The following POGZ variants were observed in gnomAD, a reference collection of about 807,000 sequenced individuals.
The protein encoded by POGZ is pogo transposable element derived with ZNF domain.
Under a neutral mutation model 134.6 loss-of-function variants are expected in POGZ, and 17 were observed. The observed-to-expected ratio is 0.13, with a 90% CI of 0.09 to 0.19. The LOEUF is 0.19. Among genes scored for constraint, POGZ ranks in the 10% least tolerant of loss-of-function variants. POGZ has a pLI of 1.00. For missense variants in POGZ, 1,306 were observed against 1,769.7 expected (o/e 0.74, Z 4.70); for synonymous variants, 693 against 657.1 (o/e 1.05, Z -0.84).
At chr1:151,419,696 C>CAAAA (rs1656554435) in intron 10 of POGZ, among the ~76,000 whole-genome samples, 1 of 39,258 alleles carries the variant, frequency 2.5e-5, no homozygotes, top group African/African-American at 6.3e-5. Context: ...AAAAAAAAAA[C>CAAAA]TACTTTCATG....
At chr1:151,421,569 TG>T (rs1206531222) in intron 10 of POGZ, among the ~76,000 whole-genome samples, 4 of 152,298 alleles carry the variant, frequency 2.6e-5, no homozygotes, top group Admixed American at 6.5e-5. Context: ...GAAAGAAAGA[TG>T]GGAAGATAAG....
At chr1:151,438,869 C>T (rs559880813) in intron 3 of POGZ, 113 of 151,990 alleles carry the variant, frequency 7.4e-4, no homozygotes, top group African/African-American at 2.6e-3. Flanking sequence ...AAAGTGAGAT[C>T]CCGTCTCAGG....
At chr1:151,453,437 T>C (rs560513815) in intron 1 of POGZ, among the ~76,000 whole-genome samples, 1 of 151,036 alleles carries the variant, frequency 6.6e-6, no homozygotes, top group African/African-American at 2.4e-5. Flanking sequence ...TATACATTTC[T>C]CTTTTTTTAT....
chr1:151,451,176 A>C (rs1027327168), intron 1 of POGZ: 1 of 150,538 alleles, frequency 6.6e-6, no homozygotes, highest in African/African-American at 2.4e-5. Flanking sequence ...TAACCAATAA[A>C]CTACTGACTA....
chr1:151,440,598 T>G (rs1285896887), intron 3 of POGZ, among the ~76,000 whole-genome samples: 2 of 152,140 alleles, frequency 1.3e-5, no homozygotes, highest in African/African-American at 2.4e-5. Context: ...TAATGGAATT[T>G]TTCTCATTAA....
At position 151,428,182 on chromosome 1, in the gene POGZ, A is replaced by T. The variant is rs1416173910; in HGVS notation, c.800T>A (p.Leu267Gln). The T allele has an allele frequency of 6.2e-7, 1 of 1,614,140 alleles. No homozygotes were observed. The highest frequency in any genetic ancestry group is 1.1e-5 in the South Asian group (1 of 91,084). The stretch of plus-strand genomic sequence containing the variant: ...TGGAGACTGAACAGCTAGTTGCCCC[A>T]GTGAGGTTGGCTGTGTGGCAGTGGG... ...TTPTATQPTS[L>Q]GQLAVQSPGQ... Residue 267 changes from leucine (L) to glutamine (Q), a missense_variant, in exon 6 of 19, where the codon CTG (leucine) becomes CAG (glutamine). Leu to Gln is a moderately radical substitution (Grantham distance 113). This residue lies in a region of POGZ where 541 missense variants were observed against 680.5 expected (regional missense o/e 0.80). Transcript: ENST00000271715.
intron 1 of POGZ, among the ~76,000 whole-genome samples, chr1:151,457,590 G>A (rs1400407433): frequency 6.6e-6 from 1 of 152,128 alleles, no homozygotes; most frequent in Non-Finnish European, 1.5e-5. Context: ...AGCCCTCCCT[G>A]CCCCCTCCGT....
chr1:151,415,365 TATA>T (rs1323278331), intron 10 of POGZ, among the ~76,000 whole-genome samples: 3 of 152,100 alleles, frequency 2.0e-5, no homozygotes, highest in Non-Finnish European at 4.4e-5. Flanking sequence ...AGAAAAATGT[TATA>T]ATATTTGAAG....
At position 151,403,919 on chromosome 1, in the gene POGZ, T is replaced by A. The variant is rs1653132968; in HGVS notation, c.*883A>T. On this transcript the variant is annotated 3_prime_UTR_variant, in exon 19 of 19. Coordinates refer to ENST00000271715, the MANE Select transcript of POGZ (RefSeq NM_015100.4). ...GGAATGGCTTCCACCCTAAAACTGT[T>A]TGATCGCTTCAGTATCTCTTGCTTG... 1 of 985,338 alleles carries A rather than the reference T, an allele frequency of 1.0e-6. No individual in the cohort carries two copies. The highest frequency in any genetic ancestry group is 1.2e-6 in the Non-Finnish European group (1 of 829,936). The allele number at this position is 985,338 out of a possible 1,614,324, so 61.0% of individuals were successfully genotyped here.
intron 3 of POGZ, among the ~76,000 whole-genome samples, chr1:151,433,950 A>C (rs868415220): frequency 6.6e-6 from 1 of 152,298 alleles, no homozygotes; most frequent in African/African-American, 2.4e-5. Flanking sequence ...AGGCTGAAGC[A>C]GGTGGATCAC....
At chr1:151,407,073 G>A in intron 16 of POGZ, 50 bp from the exon 17 acceptor site, 2 of 1,446,492 alleles carry the variant, frequency 1.4e-6, no homozygotes. Flanking sequence ...AGTGACACTT[G>A]AGACCATTAA....
In POGZ at chr1:151,405,765, G is replaced by A. The variant is rs1380747647; in HGVS notation, c.3270C>T (p.Ala1090=). 2 of 1,614,070 alleles carry A rather than the reference G, an allele frequency of 1.2e-6. No individual in the cohort carries two copies. Among genetic ancestry groups the A allele is most frequent in the African/African-American group, 2.7e-5 (2 of 74,924 alleles). ...HLTPHARRAV[A]HTLPKDVAEN... is the part of the protein sequence containing the mutation. ...CTGCTACATCCTTAGGTAGGGTGTG[G>A]GCCACAGCTCGCCGGGCATGGGGAG... is the stretch of plus-strand genomic sequence containing the variant. Residue 1090 remains alanine (A), a synonymous_variant, in exon 19 of 19, where the codon GCC becomes GCT. Transcript: ENST00000271715. This position sits in a 1 kb window ranked among gnomAD's most constrained non-coding sequence, Gnocchi z 4.9.
chr1:151,410,396 C>T (rs74469136), intron 12 of POGZ, among the ~76,000 whole-genome samples: 4,148 of 152,236 alleles, frequency 0.027, 111 homozygotes, highest in Non-Finnish European at 0.043. Context: ...AAATTAAAGG[C>T]CTGTTTCTAA....
In POGZ at chr1:151,406,765, C is replaced by A. The variant is rs997037132; in HGVS notation, c.2546-134G>T. On this transcript the variant is annotated intron_variant, in intron 17 of 18. Transcript: ENST00000271715. ...ACCAGCTTTCCCAGTTTTATATAAA[C>A]TTCAGGTCGGAAGGTTTCTAATTAG... 1.2e-5 allele frequency: 12 copies of A among 1,023,432 alleles called. No homozygotes were observed. The African/African-American group carries it at 1.8e-4, about 15-fold the overall frequency. 63.4% of individuals were successfully genotyped at this position (1,023,432 alleles called of 1,614,324 possible).
intron 10 of POGZ, among the ~76,000 whole-genome samples, chr1:151,420,253 T>G (rs1394256765): frequency 6.6e-6 from 1 of 152,200 alleles, no homozygotes; most frequent in Non-Finnish European, 1.5e-5. Context: ...TTACTGACAG[T>G]GAAGAATCGT....
At position 151,405,239 on chromosome 1, in the gene POGZ, C is replaced by T. The variant is rs1449109714; in HGVS notation, c.3796G>A (p.Val1266Ile). ...GCSSKIQPLD[V>I]CIKRTVKNFL... ...TTCTTGACAGTTCTTTTGATGCATA[C>T]ATCTAATGGCTGAATTTTGGAGCTA... Residue 1266 changes from valine (V) to isoleucine (I), a missense_variant, in exon 19 of 19, where the codon GTA becomes ATA. Around this residue, in one of 10 missense-constraint regions of POGZ, gnomAD observed 67 missense variants for 105.8 expected, o/e 0.63. Coordinates refer to ENST00000271715, the MANE Select transcript of POGZ (RefSeq NM_015100.4). The surrounding 1 kb of genome is among the most constrained non-coding windows in gnomAD (Gnocchi z 4.9). The T allele has an allele frequency of 2.5e-6, 4 of 1,614,158 alleles. No homozygotes were observed. The highest frequency in any genetic ancestry group is 3.4e-6 in the Non-Finnish European group (4 of 1,179,970).
Position 151,423,996 on chromosome 1 carries a change from T to C in POGZ, c.1476A>G (p.Thr492=), listed in dbSNP as rs1657368181. The C allele has an allele frequency of 6.2e-7, 1 of 1,614,196 alleles. No homozygotes were observed. Among genetic ancestry groups the C allele is most frequent in the East Asian group, 2.2e-5 (1 of 44,884 alleles). The change falls in exon 9 of 19, where the codon ACA becomes ACG. Residue 492 remains threonine, a synonymous_variant. Coordinates refer to ENST00000271715, the MANE Select transcript of POGZ (RefSeq NM_015100.4). ...TGGTACAATGTGGGCATCGGAAAGA[T>C]GTGGCGACCTTAGGGAAATTTGTGA... ...AQLTNFPKVA[T]SFRCPHCTKR...
chr1:151,452,363 T>G (rs1662225835), intron 1 of POGZ, among the ~76,000 whole-genome samples: 2 of 151,966 alleles, frequency 1.3e-5, no homozygotes, highest in East Asian at 3.9e-4. Context: ...TTTGGCTTTT[T>G]TTTTTGAGAC....
Position 151,406,046 on chromosome 1 carries a change from G to C in POGZ, c.2989C>G (p.Arg997Gly), listed in dbSNP as rs1553212545. The C allele has an allele frequency of 3.1e-6, 5 of 1,614,070 alleles. No individual in the cohort carries two copies. The highest frequency in any genetic ancestry group is 1.6e-4 in the Middle Eastern group (1 of 6,084). ...CNTEQAAEHFRNPQRRIRRWL... is the reference protein window; with the variant it reads ...CNTEQAAEHFGNPQRRIRRWL... ...CGGCGAATACGTCGCTGGGGATTTC[G>C]GAAGTGTTCAGCTGCCTGTTCTGTA... The change falls in exon 19 of 19, where the codon CGA (arginine) becomes GGA (glycine). Residue 997 changes from arginine to glycine, a missense_variant. Physicochemically the swap from Arg to Gly is moderately radical, Grantham distance 125 (BLOSUM62 -2). Transcript: ENST00000271715.
Sources: gnomAD v4.1 joint callset for allele counts (sites outside exome capture counted in the v4.1 genomes callset) on GRCh38, gnomAD v4.1.1 for gene constraint, gnomAD v4.1.1 regional missense constraint, Gnocchi (gnomAD v3.1) non-coding constraint, MANE v1.5 for transcripts, NCBI Gene and HGNC (gene_info 2026-07-23, HGNC 2026-07-21) for gene names.